Variants in FDFT1 observed in about 807,000 individuals in gnomAD.
FDFT1 encodes farnesyl-diphosphate farnesyltransferase 1, also known as squalene synthase.
FDFT1 carries 68 observed loss-of-function variants against 46.8 expected under a neutral mutation model. The ratio of observed to expected loss-of-function variants is 1.45; its 90% CI spans 1.19 to 1.78. FDFT1 has a LOEUF of 1.78. FDFT1 is among the 40% of genes most tolerant of loss of function. FDFT1 has a pLI of 0.00. For missense variants in FDFT1, 928 were observed against 524.4 expected (o/e 1.77, Z -7.52); for synonymous variants, 351 against 185.1 (o/e 1.90, Z -7.28).
At position 11,831,510 on chromosome 8, in the gene FDFT1, G is replaced by A; in HGVS notation, c.880-8G>A. On this transcript the variant is annotated splice_region_variant and splice_polypyrimidine_tract_variant and intron_variant, in intron 6 of 7. Coordinates refer to ENST00000220584, the MANE Select transcript of FDFT1 (RefSeq NM_004462.5). ...CTTCTTTTTTCCCTCTCTTCTTGTT[G>A]TCTCTAGGTGATGGCCATTGCCACT... 1.2e-6 allele frequency: 2 copies of A among 1,612,566 alleles called. No individual in the cohort carries two copies. Among genetic ancestry groups the A allele is most frequent in the Non-Finnish European group, 1.7e-6 (2 of 1,179,072 alleles).
At chr8:11,833,246 C>A (rs894065547) in intron 7 of FDFT1, among the ~76,000 whole-genome samples, 25 of 152,202 alleles carry the variant, frequency 1.6e-4, no homozygotes, top group African/African-American at 6.0e-4. Context: ...GGGTAGTGAC[C>A]AAGTAGGTGG....
At position 11,826,140 on chromosome 8, in the gene FDFT1, G is replaced by T. The variant is rs754178776; in HGVS notation, c.627G>T (p.Leu209=). 1 of 1,608,824 alleles carries T rather than the reference G, an allele frequency of 6.2e-7. No individual in the cohort carries two copies. Among genetic ancestry groups the T allele is most frequent in the Non-Finnish European group, 8.5e-7 (1 of 1,175,956 alleles). The change falls in exon 5 of 8, where the codon CTG becomes CTT. Residue 209 remains leucine, a synonymous_variant. Coordinates refer to ENST00000220584, the MANE Select transcript of FDFT1 (RefSeq NM_004462.5). ...CAGAACGTGCCAACTCTATGGGCCT[G>T]TTTTTGCAGAAAACAAACATCATCC... The part of the protein sequence containing the change: ...EDTERANSMG[L]FLQKTNIIRD...
chr8:11,830,321 T>G lies in FDFT1; in HGVS notation c.780T>G (p.Asn260Lys). 1.2e-6 allele frequency: 2 copies of G among 1,613,892 alleles called. No individual in the cohort carries two copies. The highest frequency in any genetic ancestry group is 1.1e-5 in the South Asian group (1 of 91,072). The change falls in exon 6 of 8, where the codon AAT becomes AAG. Residue 260 changes from asparagine (N) to lysine (K), a missense_variant. Physicochemically the swap from Asn to Lys is moderately conservative, Grantham distance 94. Coordinates refer to ENST00000220584, the MANE Select transcript of FDFT1 (RefSeq NM_004462.5). Reference sequence around the variant, plus strand: ...TTGACTTGGCCGTGCAGTGCCTGAATGAACTTATAACCAATGCACTGCACC... The same window carrying G: ...TTGACTTGGCCGTGCAGTGCCTGAAGGAACTTATAACCAATGCACTGCACC... ...ENIDLAVQCLNELITNALHHI... is the reference protein window; with the variant it reads ...ENIDLAVQCLKELITNALHHI...
At chr8:11,827,756 C>T (rs1462677245) in intron 5 of FDFT1, among the ~76,000 whole-genome samples, 10 of 152,070 alleles carry the variant, frequency 6.6e-5, no homozygotes, top group Admixed American at 6.6e-5. Flanking sequence ...TTAAACTACT[C>T]TGGGGGCTGG....
At chr8:11,811,512 A>G (rs544931875) in intron 3 of FDFT1, among the ~76,000 whole-genome samples, 1 of 152,346 alleles carries the variant, frequency 6.6e-6, no homozygotes, top group East Asian at 1.9e-4. Context: ...GAATGCTAAC[A>G]TAATTTTGGG....
intron 3 of FDFT1, among the ~76,000 whole-genome samples, chr8:11,814,025 G>A (rs191391850): frequency 5.9e-5 from 9 of 152,298 alleles, no homozygotes; most frequent in Non-Finnish European, 1.2e-4. Flanking sequence ...TCGTTGGAAG[G>A]ATAGGTGAAG....
At chr8:11,801,609 C>CACACCTGGCCTGACTT (rs1806124513), upstream of FDFT1, 1 of 206,086 alleles carries the variant, frequency 4.9e-6, no homozygotes. Flanking sequence ...CATGAGCCAC[C>CACACCTGGCCTGACTT]GCGCTCGGCT....
intron 3 of FDFT1, among the ~76,000 whole-genome samples, chr8:11,816,524 T>C (rs568239690): frequency 2.6e-5 from 4 of 152,354 alleles, no homozygotes; most frequent in Admixed American, 2.6e-4. Context: ...TCCATTTGTT[T>C]ATGGCCTCTT....
Position 11,825,189 on chromosome 8 carries a change from C to T in FDFT1, c.511-835C>T, listed in dbSNP as rs141072848. ...GTTGGTATTGTCCTAGTTCCTGTTA[C>T]CAGAATATTCCATCTTTCATCGTTG... On this transcript the variant is annotated intron_variant, in intron 4 of 7. Transcript: ENST00000220584. 3.4e-4 allele frequency among the ~76,000 whole-genome samples: 51 copies of T among 152,224 alleles called. No individual in the cohort carries two copies. The East Asian group carries it at 8.5e-3, about 25-fold the overall frequency.
At position 11,821,869 on chromosome 8, in the gene FDFT1, G is replaced by A. The variant is rs545547539; in HGVS notation, c.501G>A (p.Glu167=). ...ATAAGCATGTGACCTCTGAACAGGA[G>A]TGGGACAAGGTTAGTCTCATAAAAC... The part of the protein sequence containing the change: ...FLDKHVTSEQ[E]WDKYCHYVAG... Residue 167 remains glutamate (E), a synonymous_variant, in exon 4 of 8, where the codon GAG becomes GAA. Transcript: ENST00000220584. 16 of 1,613,036 alleles carry A rather than the reference G, an allele frequency of 9.9e-6. No homozygotes were observed. Among genetic ancestry groups the A allele is most frequent in the South Asian group, 3.3e-5 (3 of 91,038 alleles).
chr8:11,803,558 G>A, intron 1 of FDFT1: 2 of 1,035,120 alleles, frequency 1.9e-6, no homozygotes, highest in South Asian at 1.7e-5. Context: ...TCTGCCTCAT[G>A]CCTGTACTAT....
chr8:11,802,230 C>T (rs926372599), upstream of FDFT1: 5 of 388,520 alleles, frequency 1.3e-5, no homozygotes, highest in African/African-American at 6.3e-5. Flanking sequence ...CCCAGCTTGG[C>T]GCTGGCCCGG....
At chr8:11,827,354 AC>A (rs1810140904) in intron 5 of FDFT1, among the ~76,000 whole-genome samples, 2 of 152,140 alleles carry the variant, frequency 1.3e-5, no homozygotes, top group African/African-American at 4.8e-5. Flanking sequence ...AAAAAATAAA[AC>A]TAAATTTAAA....
chr8:11,798,776 G>C (rs182457508), upstream of FDFT1, among the ~76,000 whole-genome samples: 1 of 152,204 alleles, frequency 6.6e-6, no homozygotes, highest in Non-Finnish European at 1.5e-5. Flanking sequence ...TATGTGCTGG[G>C]CACTATTCCA....
intron 3 of FDFT1, among the ~76,000 whole-genome samples, chr8:11,817,340 T>A (rs1403296335): frequency 6.6e-6 from 1 of 152,186 alleles, no homozygotes; most frequent in Admixed American, 6.5e-5. Flanking sequence ...CTTTTTTTAT[T>A]GTTTGTCTGC....
At chr8:11,831,156 A>G (rs1276022655) in intron 6 of FDFT1, among the ~76,000 whole-genome samples, 1 of 152,252 alleles carries the variant, frequency 6.6e-6, no homozygotes, top group Non-Finnish European at 1.5e-5. Context: ...CAACTACAAT[A>G]GAAAATTCTT....
chr8:11,821,066 C>G (rs183775019), intron 3 of FDFT1, among the ~76,000 whole-genome samples: 2 of 152,184 alleles, frequency 1.3e-5, no homozygotes, highest in African/African-American at 4.8e-5. Flanking sequence ...TAGAATGATA[C>G]TTGTTACATA....
At chr8:11,810,933 TAAAAAAAAAAAAAAAA>T (rs71539744) in intron 3 of FDFT1, among the ~76,000 whole-genome samples, 1 of 89,448 alleles carries the variant, frequency 1.1e-5, no homozygotes, top group South Asian at 4.2e-4. Context: ...GAGCAATATT[TAAAAAAAAAAAAAAAA>T]AAAAAAAAAG....
chr8:11,800,753 A>C (rs570508396), upstream of FDFT1, among the ~76,000 whole-genome samples: 306 of 152,358 alleles, frequency 2.0e-3, 4 homozygotes, highest in African/African-American at 7.0e-3. Flanking sequence ...CTTTGAATAA[A>C]GTTTGCTTCT....
Sources: allele counts gnomAD v4.1 joint callset (sites outside exome capture counted in the v4.1 genomes callset), GRCh38; gene constraint gnomAD v4.1.1; transcripts MANE v1.5; gene names NCBI Gene and HGNC (gene_info 2026-07-23, HGNC 2026-07-21).